The following FGD3 variants were observed in gnomAD, a reference collection of about 807,000 sequenced individuals.
FGD3 encodes FYVE, RhoGEF and PH domain-containing protein 3.
A neutral mutation model predicts 71.8 loss-of-function variants in FGD3; 45 were observed. That is an observed-to-expected ratio of 0.63 (90% CI 0.49 to 0.80). The LOEUF is 0.80. Among genes scored for constraint, FGD3 ranks in the 30% least tolerant of loss-of-function variants. The pLI is 0.00. For missense variants in FGD3, 844 were observed against 951.5 expected (o/e 0.89, Z 1.49); for synonymous variants, 378 against 392.8 (o/e 0.96, Z 0.44).
intron 10 of FGD3, 136 bp downstream of exon 10, chr9:93,015,965 C>A (rs542904949): frequency 2.9e-5 from 21 of 733,762 alleles, no homozygotes; most frequent in East Asian, 2.7e-4. Flanking sequence ...AAGCCATAGA[C>A]CCTATCTGTG....
intron 3 of FGD3, among the ~76,000 whole-genome samples, chr9:92,993,227 G>A (rs377560519): frequency 2.0e-5 from 3 of 152,268 alleles, no homozygotes; most frequent in African/African-American, 7.2e-5. Flanking sequence ...AACCTCCTGA[G>A]TAGGGGGGAC....
chr9:92,998,875 C>T (rs532860178), intron 3 of FGD3, among the ~76,000 whole-genome samples: 6 of 152,276 alleles, frequency 3.9e-5, no homozygotes, highest in African/African-American at 7.2e-5. Flanking sequence ...GGGTGTCAGT[C>T]GGCCCCTACT....
At chr9:92,950,017 C>A (rs575202731) in intron 1 of FGD3, among the ~76,000 whole-genome samples, 1 of 148,022 alleles carries the variant, frequency 6.8e-6, no homozygotes, top group Non-Finnish European at 1.5e-5. Flanking sequence ...TTCCTTCCCC[C>A]CTCCCTTCTT....
At chr9:92,965,799 G>A (rs1368368637) in intron 1 of FGD3, among the ~76,000 whole-genome samples, 1 of 152,176 alleles carries the variant, frequency 6.6e-6, no homozygotes, top group Non-Finnish European at 1.5e-5. Context: ...CATGTGCTGG[G>A]AGCTCCCAAA....
chr9:93,015,599 G>A, intron 9 of FGD3, 138 bp from the exon 10 acceptor site: 1 of 580,342 alleles, frequency 1.7e-6, no homozygotes, highest in Non-Finnish European at 3.1e-6. Flanking sequence ...TAAAATTACT[G>A]CACATATCTT....
intron 11 of FGD3, 117 bp from the exon 12 acceptor site, chr9:93,019,714 T>C: frequency 1.0e-6 from 1 of 990,686 alleles, no homozygotes; most frequent in Non-Finnish European, 1.6e-6. Flanking sequence ...TTCCAATCCT[T>C]GAGCTGCGTT....
At chr9:93,035,226 G>C in intron 17 of FGD3, 112 bp from the exon 18 acceptor site, 1 of 1,437,126 alleles carries the variant, frequency 7.0e-7, no homozygotes, top group Admixed American at 2.5e-5. Context: ...CTCAGCACCT[G>C]CCTTGCGTTG....
chr9:92,988,899 G>T (rs1860292741), intron 3 of FGD3, among the ~76,000 whole-genome samples: 1 of 152,130 alleles, frequency 6.6e-6, no homozygotes, highest in Non-Finnish European at 1.5e-5. Flanking sequence ...TTGTCTGTAA[G>T]TTCCCCAATA....
Position 93,034,554 on chromosome 9 carries a change from C to T in FGD3, c.1799C>T (p.Ala600Val), listed in dbSNP as rs1171468704. The T allele has an allele frequency of 6.2e-7, 1 of 1,611,594 alleles. No homozygotes were observed. Among genetic ancestry groups the T allele is most frequent in the Non-Finnish European group, 8.5e-7 (1 of 1,178,818 alleles). The change falls in exon 17 of 18, where the codon GCA (alanine) becomes GTA (valine). Residue 600 changes from alanine to valine, a missense_variant. Transcript: ENST00000375482. ...TTGTGTCCCCAGAAGACACCCACTG[C>T]AGACCCCCAGCCCAGCCTGCTCTGC... ...APESTEKTPT[A>V]DPQPSLLCGP...
chr9:93,004,263 A>G lies in FGD3; in HGVS notation c.680+126A>G, dbSNP rs1250058666. 4 of 1,283,892 alleles carry G rather than the reference A, an allele frequency of 3.1e-6. No individual in the cohort carries two copies. The Admixed American group carries it at 7.5e-5, about 24-fold the overall frequency. The allele number at this position is 1,283,892 out of a possible 1,614,324, so 79.5% of individuals were successfully genotyped here. On this transcript the variant is annotated intron_variant, in intron 5 of 17. Transcript: ENST00000375482. Reference sequence around the variant, plus strand: ...GTGGCTGGGCGCCTCCCTTCTCTGCACGGTCCTGGGTCCGATCCAGACTCC... The same window carrying G: ...GTGGCTGGGCGCCTCCCTTCTCTGCGCGGTCCTGGGTCCGATCCAGACTCC...
chr9:93,019,685 G>C, intron 11 of FGD3, 146 bp from the exon 12 acceptor site: 1 of 763,342 alleles, frequency 1.3e-6, no homozygotes, highest in Non-Finnish European at 2.2e-6. Context: ...CGAGTGTTTT[G>C]AGGCCCTTGG....
At chr9:93,014,309 C>G (rs1302191093) in intron 9 of FGD3, among the ~76,000 whole-genome samples, 1 of 152,128 alleles carries the variant, frequency 6.6e-6, no homozygotes, top group Non-Finnish European at 1.5e-5. Context: ...CTTGTAGCAA[C>G]CAGGACAGCA....
chr9:93,014,027 C>G (rs1394718029), intron 9 of FGD3, 29 bp downstream of exon 9: 2 of 1,585,108 alleles, frequency 1.3e-6, no homozygotes, highest in Non-Finnish European at 1.7e-6. Context: ...AGCCCAGCCG[C>G]AGAGCCTCCC....
intron 3 of FGD3, among the ~76,000 whole-genome samples, chr9:92,999,621 T>C (rs1376205726): frequency 6.8e-6 from 1 of 146,436 alleles, no homozygotes; most frequent in Non-Finnish European, 1.5e-5. Flanking sequence ...AAAGACAGAG[T>C]CTTGGTCTGT....
chr9:92,995,788 T>C (rs1424244227), intron 3 of FGD3, among the ~76,000 whole-genome samples: 2 of 152,186 alleles, frequency 1.3e-5, no homozygotes, highest in Non-Finnish European at 2.9e-5. Flanking sequence ...TATTGATTTG[T>C]GTATGTTGAA....
chr9:92,961,203 C>T (rs1181075109), intron 1 of FGD3, among the ~76,000 whole-genome samples: 1 of 152,150 alleles, frequency 6.6e-6, no homozygotes, highest in Non-Finnish European at 1.5e-5. Flanking sequence ...CCTGGGGAAA[C>T]CCCCTTTCTC....
intron 1 of FGD3, among the ~76,000 whole-genome samples, chr9:92,966,209 G>T (rs1407543332): frequency 6.6e-6 from 1 of 152,212 alleles, no homozygotes; most frequent in African/African-American, 2.4e-5. Flanking sequence ...ACATGAGCCT[G>T]CCACGGTTTC....
At position 93,034,589 on chromosome 9, in the gene FGD3, C is replaced by T. The variant is rs199718653; in HGVS notation, c.1834C>T (p.Arg612Trp). Reference protein sequence around the residue: ...PQPSLLCGPLRLSESGETWSE... With the variant: ...PQPSLLCGPLWLSESGETWSE... ...GCCCAGCCTGCTCTGCGGCCCCCTG[C>T]GGCTGTCAGAGAGCGGTGAGACCTG... Residue 612 changes from arginine (R) to tryptophan (W), a missense_variant, in exon 17 of 18, where the codon CGG (arginine) becomes TGG (tryptophan). Coordinates refer to ENST00000375482, the MANE Select transcript of FGD3 (RefSeq NM_001083536.2). 401 of 1,613,330 alleles carry T rather than the reference C, an allele frequency of 2.5e-4. No homozygotes were observed. Among genetic ancestry groups the T allele is most frequent in the African/African-American group, 1.4e-3 (108 of 74,910 alleles).
Position 93,003,049 on chromosome 9 carries a change from T to A in FGD3, c.543+35T>A, listed in dbSNP as rs752591220. ...ATGGCTTGGGGGCAGTTTCAGTATC[T>A]CTTAGCATTGGCTGGGCATTATAGG... On this transcript the variant is annotated intron_variant, in intron 4 of 17. Transcript: ENST00000375482. This position sits in a 1 kb window ranked among gnomAD's most constrained non-coding sequence, Gnocchi z 4.1. 1.3e-6 allele frequency: 2 copies of A among 1,586,346 alleles called. No homozygotes were observed. Among genetic ancestry groups the A allele is most frequent in the South Asian group, 1.1e-5 (1 of 90,472 alleles).
Sources: allele counts gnomAD v4.1 joint callset (sites outside exome capture counted in the v4.1 genomes callset), GRCh38; gene constraint gnomAD v4.1.1; non-coding constraint Gnocchi (gnomAD v3.1); transcripts MANE v1.5; gene names NCBI Gene and HGNC (gene_info 2026-07-23, HGNC 2026-07-21).